MYO1E: variants seen among roughly 807,000 people sequenced by gnomAD.
MYO1E encodes unconventional myosin-Ie.
A neutral mutation model predicts 151.1 loss-of-function variants in MYO1E; 68 were observed. The ratio of observed to expected loss-of-function variants is 0.45; its 90% CI spans 0.37 to 0.55. The LOEUF (loss-of-function observed/expected upper bound fraction) is 0.55, where lower values mean the gene tolerates loss of function less well. Ranked by LOEUF, MYO1E falls within the 20% of genes least tolerant of loss-of-function variation. MYO1E has a pLI of 0.00. For synonymous variants in MYO1E, 601 were observed against 501.7 expected, an observed-to-expected ratio of 1.20 and a Z score of -2.64; for missense variants, 1,363 against 1,389.3, an observed-to-expected ratio of 0.98 and a Z score of 0.30.
rs560408029 is a variant in MYO1E, at chr15:59,236,749, AAAAC to A, written c.333-81_333-78del. 1,067 of 1,298,462 alleles carry A rather than the reference AAAAC, an allele frequency of 8.2e-4. 4 individuals carry two copies. Among genetic ancestry groups the A allele is most frequent in the South Asian group, 2.1e-3 (174 of 83,774 alleles). 80.4% of individuals were successfully genotyped at this position (1,298,462 alleles called of 1,614,324 possible). A position where few individuals can be genotyped will look rare whatever the true frequency, so the allele number is the denominator to read the frequency against. ...CCCTTCCTTGTCTCCCCCATCACAC[AAAAC>A]AAACAAACAAACAAAAAAACAAAAA... On this transcript the variant is annotated intron_variant, in intron 4 of 27. Transcript: ENST00000288235.
intron 1 of MYO1E, among the ~76,000 whole-genome samples, chr15:59,333,064 G>A (rs1662597394): frequency 6.6e-6 from 1 of 152,034 alleles, no homozygotes; most frequent in Non-Finnish European, 1.5e-5. Context: ...TATCTGGATT[G>A]GCCATACACA....
At chr15:59,157,320 T>G (rs2079514865) in intron 25 of MYO1E, among the ~76,000 whole-genome samples, 1 of 152,224 alleles carries the variant, frequency 6.6e-6, no homozygotes, top group African/African-American at 2.4e-5. Context: ...GCCTCCTGAA[T>G]CCTAATCTCA....
At chr15:59,305,341 AC>A (rs2080508657) in intron 1 of MYO1E, among the ~76,000 whole-genome samples, 2 of 151,980 alleles carry the variant, frequency 1.3e-5, no homozygotes, top group Non-Finnish European at 2.9e-5. Flanking sequence ...CTACAAGCAC[AC>A]ACCACCATGC....
At chr15:59,265,984 A>G (rs1414552674) in intron 2 of MYO1E, among the ~76,000 whole-genome samples, 2 of 152,074 alleles carry the variant, frequency 1.3e-5, no homozygotes, top group African/African-American at 4.8e-5. Flanking sequence ...TTTAAAAAAA[A>G]GTCTCAAAAA....
Position 59,192,299 on chromosome 15 carries a change from T to TA in MYO1E, c.1805+3161dup, listed in dbSNP as rs1302217808. ...TGCTGCAATTCAAAGGGGAATCATTTAAAAAAAAAAAAAAGAAAAGAGAAA... is the reference window on the plus strand; with the variant it reads ...TGCTGCAATTCAAAGGGGAATCATTTAAAAAAAAAAAAAAAGAAAAGAGAAA... On this transcript the variant is annotated intron_variant, in intron 17 of 27. Transcript: ENST00000288235. Among the ~76,000 whole-genome samples, 431 of 139,964 alleles carry TA rather than the reference T, an allele frequency of 3.1e-3. 3 individuals carry two copies. The highest frequency in any genetic ancestry group is 2.7e-3 in the South Asian group (12 of 4,412). 91.8% of individuals were successfully genotyped at this position (139,964 alleles called of 152,430 possible).
At chr15:59,203,163 T>C (rs538480151) in intron 15 of MYO1E, among the ~76,000 whole-genome samples, 73 of 152,292 alleles carry the variant, frequency 4.8e-4, no homozygotes, top group African/African-American at 1.6e-3. Flanking sequence ...CTGGGCACCA[T>C]TGGTATCTGC....
At chr15:59,349,993 G>T (rs948535134) in intron 1 of MYO1E, among the ~76,000 whole-genome samples, 1 of 152,158 alleles carries the variant, frequency 6.6e-6, no homozygotes, top group Admixed American at 6.5e-5. Flanking sequence ...CAGAAAGGAG[G>T]GGTGGCTAGA....
intron 22 of MYO1E, among the ~76,000 whole-genome samples, chr15:59,164,099 G>A (rs576513554): frequency 2.0e-5 from 3 of 152,322 alleles, no homozygotes; most frequent in Non-Finnish European, 4.4e-5. Flanking sequence ...ACCCAGCTCC[G>A]AGGAAACGCT....
At chr15:59,345,971 G>A (rs911533627) in intron 1 of MYO1E, among the ~76,000 whole-genome samples, 4 of 152,200 alleles carry the variant, frequency 2.6e-5, no homozygotes, top group East Asian at 1.9e-4. Context: ...GCTAAAACAC[G>A]TGGAGGTAGT....
At chr15:59,196,986 CTT>C (rs71977305) in intron 16 of MYO1E, among the ~76,000 whole-genome samples, 155 of 71,478 alleles carry the variant, frequency 2.2e-3, no homozygotes, top group African/African-American at 7.5e-3. Context: ...TTAATTACGA[CTT>C]TTTTTTTTTT....
intron 26 of MYO1E, among the ~76,000 whole-genome samples, chr15:59,145,863 G>T (rs1305104755): frequency 6.6e-6 from 1 of 152,146 alleles, no homozygotes; most frequent in African/African-American, 2.4e-5. Flanking sequence ...CATGGAAACT[G>T]GTAAATGTTA....
chr15:59,312,314 A>G (rs942506318), intron 1 of MYO1E, among the ~76,000 whole-genome samples: 1 of 152,224 alleles, frequency 6.6e-6, no homozygotes, highest in African/African-American at 2.4e-5. Flanking sequence ...GAGTTCAGAG[A>G]AGAGAAAAGA....
chr15:59,315,179 C>T (rs1488775505), intron 1 of MYO1E, among the ~76,000 whole-genome samples: 1 of 152,074 alleles, frequency 6.6e-6, no homozygotes, highest in Non-Finnish European at 1.5e-5. Flanking sequence ...TGTTGTGAGG[C>T]AACAGACCAT....
intron 22 of MYO1E, among the ~76,000 whole-genome samples, chr15:59,165,880 G>A (rs571674537): frequency 6.6e-5 from 10 of 152,340 alleles, no homozygotes; most frequent in Non-Finnish European, 1.2e-4. Flanking sequence ...ACGCCTTCCT[G>A]TTTTGGTTGT....
intron 3 of MYO1E, among the ~76,000 whole-genome samples, chr15:59,256,966 C>T (rs1344611845): frequency 2.0e-5 from 3 of 152,156 alleles, no homozygotes; most frequent in Non-Finnish European, 4.4e-5. Flanking sequence ...GCTAGTTTGG[C>T]CAGTTTGTTT....
chr15:59,234,885 T>C (rs1180890976), intron 5 of MYO1E, among the ~76,000 whole-genome samples: 2 of 151,368 alleles, frequency 1.3e-5, no homozygotes, highest in Non-Finnish European at 2.9e-5. Flanking sequence ...TTTGAAAGTC[T>C]ACAGCTGACC....
At chr15:59,308,414 G>A (rs2080528906) in intron 1 of MYO1E, among the ~76,000 whole-genome samples, 1 of 151,958 alleles carries the variant, frequency 6.6e-6, no homozygotes, top group Non-Finnish European at 1.5e-5. Flanking sequence ...GCTCACGCCT[G>A]TAATCCCAGC....
Position 59,224,842 on chromosome 15 carries a change from G to T in MYO1E, c.643-19C>A. On this transcript the variant is annotated intron_variant, in intron 7 of 27. Coordinates refer to ENST00000288235, the MANE Select transcript of MYO1E (RefSeq NM_004998.4). ...CGATGAGCTGGAGCAAGAGAACACA[G>T]GTTGAGCCATGATGTGGACCACAAG... 6.2e-7 allele frequency: 1 copy of T among 1,614,138 alleles called. No homozygotes were observed.
At chr15:59,366,558 C>T (rs8031423) in intron 1 of MYO1E, among the ~76,000 whole-genome samples, 116,165 of 152,018 alleles carry the variant, frequency 0.76, 46,523 homozygotes, top group Non-Finnish European at 0.89. Context: ...CTTTGAACAA[C>T]GGCAATGACG....
Sources: gnomAD v4.1 joint callset for allele counts (sites outside exome capture counted in the v4.1 genomes callset) on GRCh38, gnomAD v4.1.1 for gene constraint, MANE v1.5 for transcripts, NCBI Gene and HGNC (gene_info 2026-07-23, HGNC 2026-07-21) for gene names.